NF2: variants seen among roughly 807,000 people sequenced by gnomAD.
NF2 encodes merlin.
In NF2, 8 loss-of-function variants were observed where a neutral mutation model predicts 83.7. That is an observed-to-expected ratio of 0.10 (90% CI 0.06 to 0.17). NF2 has a LOEUF of 0.17. NF2 is among the 10% of genes least tolerant of loss of function. The probability of loss-of-function intolerance (pLI) is 1.00; values close to 1 mark genes in which losing one functional copy is unlikely to be tolerated. For missense variants in NF2, 533 were observed against 744.4 expected, an observed-to-expected ratio of 0.72 and a Z score of 3.31; for synonymous variants, 266 against 269.6, an observed-to-expected ratio of 0.99 and a Z score of 0.13.
chr22:29,684,848 T>A (rs1420630646), intron 15 of NF2, among the ~76,000 whole-genome samples: 1 of 152,056 alleles, frequency 6.6e-6, no homozygotes, highest in Non-Finnish European at 1.5e-5. Context: ...TTCTAGACTT[T>A]GGCAGTGCCT....
chr22:29,681,179 C>T (rs569926050), intron 14 of NF2, among the ~76,000 whole-genome samples: 11 of 152,174 alleles, frequency 7.2e-5, no homozygotes, highest in African/African-American at 2.4e-4. Flanking sequence ...GTGGAGCCAC[C>T]GTGCCTGGCC....
At chr22:29,674,449 C>T (rs1043672587) in intron 12 of NF2, among the ~76,000 whole-genome samples, 6 of 152,186 alleles carry the variant, frequency 3.9e-5, no homozygotes, top group Non-Finnish European at 5.9e-5. Context: ...ACATTCTGCC[C>T]TTTGCGATCC....
At chr22:29,643,882 CCTCACCTCCCGGATGGGGCGGCT>C (rs954039914) in intron 4 of NF2, among the ~76,000 whole-genome samples, 1 of 151,448 alleles carries the variant, frequency 6.6e-6, no homozygotes, top group African/African-American at 2.4e-5. Flanking sequence ...CAGAGGCGCC[CCTCACCTCCCGGATGGGGCGGCT>C]GGCCGGGCGG....
At chr22:29,683,582 C>T (rs2067203285) in intron 15 of NF2, 1 of 1,101,054 alleles carries the variant, frequency 9.1e-7, no homozygotes, top group Middle Eastern at 4.0e-4. Flanking sequence ...TAGAGCTTTC[C>T]CTTTCTGCAC....
intron 10 of NF2, among the ~76,000 whole-genome samples, chr22:29,671,171 C>T (rs962320227): frequency 1.3e-5 from 2 of 152,144 alleles, no homozygotes; most frequent in African/African-American, 4.8e-5. Flanking sequence ...TGGGGCAGAG[C>T]CACCTGGGGT....
intron 6 of NF2, among the ~76,000 whole-genome samples, chr22:29,656,094 A>G (rs533472810): frequency 6.6e-6 from 1 of 152,106 alleles, no homozygotes; most frequent in South Asian, 2.1e-4. Flanking sequence ...ACACGCCACC[A>G]TGCCCAGCTA....
intron 15 of NF2, among the ~76,000 whole-genome samples, chr22:29,692,258 T>C (rs1601685069): frequency 6.6e-6 from 1 of 152,186 alleles, no homozygotes; most frequent in Admixed American, 6.5e-5. Flanking sequence ...GTGGCTGTGG[T>C]GCCTTCCTAC....
At chr22:29,657,896 G>T (rs1159634794) in intron 6 of NF2, among the ~76,000 whole-genome samples, 1 of 152,194 alleles carries the variant, frequency 6.6e-6, no homozygotes, top group Non-Finnish European at 1.5e-5. Flanking sequence ...TGAATTACTT[G>T]AGATGAGTTT....
Position 29,694,476 on chromosome 22 carries a change from C to G in NF2, c.1738-276C>G, listed in dbSNP as rs1272898130. 6.6e-6 allele frequency among the ~76,000 whole-genome samples: 1 copy of G among 152,254 alleles called. No individual in the cohort carries two copies. The highest frequency in any genetic ancestry group is 1.5e-5 in the Non-Finnish European group (1 of 68,048). On this transcript the variant is annotated intron_variant, in intron 15 of 15. Coordinates refer to ENST00000338641, the MANE Select transcript of NF2 (RefSeq NM_000268.4). This position sits in a 1 kb window ranked among gnomAD's most constrained non-coding sequence, Gnocchi z 4.1. ...AAAATAGGCAGGGATCTCCGGTCCT[C>G]TGTCAAGAGGCAATGCTGACGGCTT...
intron 13 of NF2, among the ~76,000 whole-genome samples, chr22:29,677,942 C>A (rs1362818057): frequency 1.3e-5 from 2 of 151,322 alleles, no homozygotes; most frequent in African/African-American, 4.8e-5. Flanking sequence ...GTGTTTGATT[C>A]AGCTGAGCAT....
chr22:29,661,101 G>A lies in NF2; in HGVS notation c.676-104G>A, dbSNP rs1040559021. The stretch of plus-strand genomic sequence containing the variant: ...GCTGTGACTTCTGTTGGGACCTGCT[G>A]AAACTTGTCACATGTGACAGTGTGT... On this transcript the variant is annotated intron_variant, in intron 7 of 15. Transcript: ENST00000338641. 19 of 1,540,070 alleles carry A rather than the reference G, an allele frequency of 1.2e-5. No homozygotes were observed. The highest frequency in any genetic ancestry group is 1.4e-5 in the Non-Finnish European group (16 of 1,119,950).
At chr22:29,625,867 G>C (rs2146792795) in intron 1 of NF2, among the ~76,000 whole-genome samples, 1 of 152,230 alleles carries the variant, frequency 6.6e-6, no homozygotes, top group East Asian at 1.9e-4. Flanking sequence ...ACCGAGCTTT[G>C]AAAACTTCAT....
intron 7 of NF2, among the ~76,000 whole-genome samples, chr22:29,659,876 G>C (rs768073473): frequency 6.6e-6 from 1 of 152,160 alleles, no homozygotes; most frequent in African/African-American, 2.4e-5. Flanking sequence ...CTTTGCTGAC[G>C]AGCAGAAGAG....
At chr22:29,683,000 A>G (rs748873162) in intron 15 of NF2, 1 of 1,613,976 alleles carries the variant, frequency 6.2e-7, no homozygotes, top group Non-Finnish European at 8.5e-7. Context: ...GTTTTTCTTC[A>G]TTTTATTTTG....
intron 15 of NF2, among the ~76,000 whole-genome samples, chr22:29,684,484 C>G (rs1259700193): frequency 6.6e-6 from 1 of 152,220 alleles, no homozygotes; most frequent in Non-Finnish European, 1.5e-5. Flanking sequence ...GTGACTTCCT[C>G]TTTCTTCTTT....
intron 1 of NF2, among the ~76,000 whole-genome samples, chr22:29,604,818 C>A (rs1287540178): frequency 1.3e-5 from 2 of 152,148 alleles, no homozygotes; most frequent in African/African-American, 4.8e-5. Flanking sequence ...TGTACAGGAC[C>A]ACATAGTAAA....
At chr22:29,673,595 C>A in intron 12 of NF2, 109 bp downstream of exon 12, 5 of 1,245,532 alleles carry the variant, frequency 4.0e-6, no homozygotes, top group Non-Finnish European at 5.7e-6. Context: ...GCTTGCCCAT[C>A]TTCTGGGCCG....
At chr22:29,658,534 G>GT (rs2066382269) in intron 7 of NF2, among the ~76,000 whole-genome samples, 1 of 152,156 alleles carries the variant, frequency 6.6e-6, no homozygotes, top group African/African-American at 2.4e-5. Flanking sequence ...TGCTCTGAGT[G>GT]TAAGATTTGA....
intron 15 of NF2, among the ~76,000 whole-genome samples, chr22:29,693,211 G>C (rs1015138977): frequency 1.3e-5 from 2 of 152,136 alleles, no homozygotes; most frequent in African/African-American, 2.4e-5. Flanking sequence ...ATTACATTTA[G>C]GGAGAAGCCC....
Sources: gnomAD v4.1 joint callset for allele counts (sites outside exome capture counted in the v4.1 genomes callset) on GRCh38, gnomAD v4.1.1 for gene constraint, Gnocchi (gnomAD v3.1) non-coding constraint, MANE v1.5 for transcripts, NCBI Gene and HGNC (gene_info 2026-07-23, HGNC 2026-07-21) for gene names.